The following SLC6A11 variants were observed in gnomAD, a reference collection of about 807,000 sequenced individuals.
SLC6A11 encodes the protein sodium- and chloride-dependent GABA transporter 3.
A neutral mutation model predicts 74.8 loss-of-function variants in SLC6A11; 25 were observed. That is an observed-to-expected ratio of 0.33 (90% confidence interval 0.24 to 0.47). The LOEUF (loss-of-function observed/expected upper bound fraction) is 0.47, where lower values mean the gene tolerates loss of function less well. SLC6A11 is among the 20% of genes least tolerant of loss of function. SLC6A11 has a pLI of 1.00. For synonymous variants in SLC6A11, 330 were observed against 330.2 expected (o/e 1.00, Z 0.01); for missense variants, 574 against 837.0 (o/e 0.69, Z 3.88).
chr3:10,844,460 C>T (rs751140162), intron 5 of SLC6A11, 114 bp downstream of exon 5: 37 of 1,283,944 alleles, frequency 2.9e-5, no homozygotes, highest in African/African-American at 1.0e-4. Context: ...AAGTTGGGAG[C>T]GGGGAGGAAC....
At chr3:10,823,612 A>G (rs1230590825) in intron 4 of SLC6A11, 1 of 513,734 alleles carries the variant, frequency 1.9e-6, no homozygotes, top group Non-Finnish European at 3.5e-6. Context: ...CTTTGATAAC[A>G]TGTCAGCATG....
intron 4 of SLC6A11, among the ~76,000 whole-genome samples, chr3:10,825,775 A>G (rs1256812365): frequency 6.6e-6 from 1 of 152,250 alleles, no homozygotes; most frequent in East Asian, 1.9e-4. Flanking sequence ...TTTTCCCAGT[A>G]GGACTTACTG....
chr3:10,865,034 G>A (rs1040491201), intron 5 of SLC6A11, among the ~76,000 whole-genome samples: 8 of 152,310 alleles, frequency 5.3e-5, no homozygotes, highest in African/African-American at 1.9e-4. Context: ...CTTTGTCTGT[G>A]GTCTTGAACC....
At chr3:10,869,596 G>A (rs1249231289) in intron 5 of SLC6A11, among the ~76,000 whole-genome samples, 2 of 152,238 alleles carry the variant, frequency 1.3e-5, no homozygotes, top group East Asian at 1.9e-4. Context: ...TTCCCCAATA[G>A]CAGGGAACCT....
chr3:10,857,108 T>G (rs1303040651), intron 5 of SLC6A11, among the ~76,000 whole-genome samples: 1 of 152,184 alleles, frequency 6.6e-6, no homozygotes, highest in African/African-American at 2.4e-5. Context: ...TCAACATGAT[T>G]CTGGAGTAAG....
At chr3:10,837,421 C>T (rs1694381069) in intron 4 of SLC6A11, among the ~76,000 whole-genome samples, 1 of 152,144 alleles carries the variant, frequency 6.6e-6, no homozygotes, top group South Asian at 2.1e-4. Context: ...ACACAATTCC[C>T]CATCTTTCCC....
intron 5 of SLC6A11, among the ~76,000 whole-genome samples, chr3:10,872,052 T>C (rs569027811): frequency 6.6e-6 from 1 of 152,334 alleles, no homozygotes; most frequent in Non-Finnish European, 1.5e-5. Context: ...ATGACTTGAC[T>C]CTTCTGAAAA....
chr3:10,856,080 G>C, intron 5 of SLC6A11, among the ~76,000 whole-genome samples: 1 of 152,312 alleles, frequency 6.6e-6, no homozygotes, highest in African/African-American at 2.4e-5. Context: ...ATTGATTGGG[G>C]TGAAAATGCT....
Position 10,918,243 on chromosome 3 carries a change from A to AG in SLC6A11, c.996-85dup. The AG allele has an allele frequency of 7.0e-7, 1 of 1,420,978 alleles. No homozygotes were observed. Among genetic ancestry groups the AG allele is most frequent in the South Asian group, 1.6e-5 (1 of 63,152 alleles). 88.0% of individuals were successfully genotyped at this position (1,420,978 alleles called of 1,614,324 possible). A position where few individuals can be genotyped will look rare whatever the true frequency, so the allele number is the denominator to read the frequency against. ...CACTTCCCTGCCTGCCTCACAGGAC[A>AG]GCCATGGTGCTCGGGTGGAGAACGT... On this transcript the variant is annotated intron_variant, in intron 7 of 13. Coordinates refer to ENST00000254488, the MANE Select transcript of SLC6A11 (RefSeq NM_014229.3). The surrounding 1 kb of genome is among the most constrained non-coding windows in gnomAD (Gnocchi z 4.5).
intron 4 of SLC6A11, among the ~76,000 whole-genome samples, chr3:10,833,587 G>A (rs761529718): frequency 5.9e-5 from 9 of 152,148 alleles, no homozygotes; most frequent in East Asian, 1.9e-4. Context: ...TAAAAGTGCC[G>A]TGCCGTGGTG....
chr3:10,897,574 C>G (rs1695185923), intron 6 of SLC6A11, among the ~76,000 whole-genome samples: 1 of 152,254 alleles, frequency 6.6e-6, no homozygotes, highest in African/African-American at 2.4e-5. Context: ...GAATCCATGT[C>G]TCCTATCCAG....
chr3:10,872,960 C>G (rs1255647357), intron 5 of SLC6A11, among the ~76,000 whole-genome samples: 2 of 152,172 alleles, frequency 1.3e-5, no homozygotes, highest in Non-Finnish European at 2.9e-5. Flanking sequence ...AGTTGCTGAT[C>G]TGAACAGACG....
intron 6 of SLC6A11, among the ~76,000 whole-genome samples, chr3:10,903,749 A>G (rs1695269269): frequency 6.6e-6 from 1 of 152,172 alleles, no homozygotes; most frequent in Non-Finnish European, 1.5e-5. Context: ...TACTCTCCAG[A>G]GTATTTCTCA....
chr3:10,910,030 T>C (rs1695365988), intron 6 of SLC6A11, among the ~76,000 whole-genome samples: 1 of 152,160 alleles, frequency 6.6e-6, no homozygotes, highest in African/African-American at 2.4e-5. Context: ...TCTTTCCAGT[T>C]TCTCCTACCC....
chr3:10,881,288 C>T (rs1255840100), intron 6 of SLC6A11, among the ~76,000 whole-genome samples: 2 of 152,184 alleles, frequency 1.3e-5, no homozygotes, highest in African/African-American at 2.4e-5. Context: ...TGGTGGCACA[C>T]ACCTGTAATC....
chr3:10,922,450 A>G (rs1316156797), intron 8 of SLC6A11, among the ~76,000 whole-genome samples: 3 of 152,218 alleles, frequency 2.0e-5, no homozygotes, highest in Non-Finnish European at 2.9e-5. Context: ...GCAGATATCT[A>G]TAGTATCCTA....
intron 2 of SLC6A11, 31 bp downstream of exon 2, chr3:10,819,630 T>A: frequency 6.2e-7 from 1 of 1,609,334 alleles, no homozygotes; most frequent in East Asian, 2.2e-5. Context: ...AAAATAAAAT[T>A]TTGCCCAGGG....
intron 6 of SLC6A11, among the ~76,000 whole-genome samples, chr3:10,896,094 C>G (rs1157903675): frequency 1.3e-5 from 2 of 152,242 alleles, no homozygotes; most frequent in Admixed American, 1.3e-4. Context: ...ATTGACCCTG[C>G]AGTGAAGGCT....
intron 4 of SLC6A11, among the ~76,000 whole-genome samples, chr3:10,828,423 G>C (rs562008381): frequency 1.3e-5 from 2 of 152,246 alleles, no homozygotes; most frequent in East Asian, 3.9e-4. Context: ...TTTGAGTCAC[G>C]TGAATGTTTT....
Sources: allele counts gnomAD v4.1 joint callset (sites outside exome capture counted in the v4.1 genomes callset), GRCh38; gene constraint gnomAD v4.1.1; non-coding constraint Gnocchi (gnomAD v3.1); transcripts MANE v1.5; gene names NCBI Gene and HGNC (gene_info 2026-07-23, HGNC 2026-07-21).